CNTN5: variants seen among roughly 807,000 people sequenced by gnomAD.
The protein encoded by CNTN5 is contactin 5, also known as contactin-5.
Under a neutral mutation model 129.1 loss-of-function variants are expected in CNTN5, and 77 were observed. That is an observed-to-expected ratio of 0.60 (90% confidence interval 0.50 to 0.72). CNTN5 has a LOEUF of 0.72. CNTN5 is among the 30% of genes least tolerant of loss of function. The pLI is 0.00. For missense variants in CNTN5, 1,478 were observed against 1,328.8 expected (o/e 1.11, Z -1.75); for synonymous variants, 509 against 465.6 (o/e 1.09, Z -1.20).
chr11:99,038,139 G>T (rs939387926), intron 1 of CNTN5, among the ~76,000 whole-genome samples: 3 of 152,072 alleles, frequency 2.0e-5, no homozygotes, highest in Non-Finnish European at 4.4e-5. Flanking sequence ...TGAGCTCTCA[G>T]TTAAGTTGTT....
intron 4 of CNTN5, among the ~76,000 whole-genome samples, chr11:99,834,124 A>T (rs1248596529): frequency 1.3e-5 from 2 of 152,118 alleles, no homozygotes; most frequent in Non-Finnish European, 2.9e-5. Context: ...ACACTGTATG[A>T]ATTGCAAGAT....
rs201089070 is a variant in CNTN5 at position 100,341,181 on chromosome 11, C to T, written c.3006C>T (p.Asn1002=). The change falls in exon 23 of 25, where the codon AAC becomes AAT. Residue 1002 remains asparagine (N), a synonymous_variant. Transcript: ENST00000524871. The part of the protein sequence containing the change: ...LGWEPVIPLA[N]ESEVVGYKVF... ...GGGAACCCGTCATACCATTAGCCAA[C>T]GAATCTGAAGTTGTGGGTTACAAGG... is the stretch of plus-strand genomic sequence containing the variant. The T allele has an allele frequency of 1.5e-4, 238 of 1,613,634 alleles. No individual in the cohort carries two copies. In the Middle Eastern group the frequency reaches 1.5e-3, roughly 10 times the overall value.
intron 1 of CNTN5, among the ~76,000 whole-genome samples, chr11:99,284,967 C>T (rs1271082965): frequency 2.0e-5 from 3 of 151,970 alleles, no homozygotes; most frequent in Non-Finnish European, 4.4e-5. Context: ...ATATATCGGA[C>T]ACTTTTTGCT....
intron 2 of CNTN5, among the ~76,000 whole-genome samples, chr11:99,486,355 A>C (rs1263958599): frequency 1.3e-5 from 2 of 152,108 alleles, no homozygotes; most frequent in African/African-American, 4.8e-5. Context: ...AGCTTTGAAA[A>C]GCTCATACTG....
intron 3 of CNTN5, among the ~76,000 whole-genome samples, chr11:99,752,549 T>C (rs1357409190): frequency 1.3e-5 from 2 of 152,170 alleles, no homozygotes; most frequent in Non-Finnish European, 2.9e-5. Context: ...ATGAAGTAAA[T>C]GTTATAATTT....
intron 4 of CNTN5, among the ~76,000 whole-genome samples, chr11:99,842,259 C>A (rs970906407): frequency 2.6e-5 from 4 of 152,080 alleles, no homozygotes; most frequent in African/African-American, 7.2e-5. Flanking sequence ...GATAAAAGGA[C>A]TGATTATTGC....
Position 99,613,440 on chromosome 11 carries a change from C to T in CNTN5, c.55+57171C>T, listed in dbSNP as rs545442307. Among the ~76,000 whole-genome samples the T allele has an allele frequency of 1.1e-4, 16 of 152,246 alleles. No individual in the cohort carries two copies. In the South Asian group the frequency reaches 2.9e-3, roughly 28 times the overall value. On this transcript the variant is annotated intron_variant, in intron 3 of 24. Transcript: ENST00000524871. ...TCCCCAGCCGTGCTGAACTGTGAGT[C>T]AAGTAAACCTCTTTCCTTTATAAAT...
At chr11:100,042,944 A>G (rs1942461835) in intron 9 of CNTN5, among the ~76,000 whole-genome samples, 1 of 152,210 alleles carries the variant, frequency 6.6e-6, no homozygotes, top group Non-Finnish European at 1.5e-5. Context: ...GAACTAAAAT[A>G]GGAGAAAAAC....
At chr11:100,115,115 T>TAAAAAAAAAAAAAAAA (rs11388029) in intron 13 of CNTN5, among the ~76,000 whole-genome samples, 13 of 78,356 alleles carry the variant, frequency 1.7e-4, no homozygotes, top group African/African-American at 4.6e-4. Flanking sequence ...AGGTATACAG[T>TAAAAAAAAAAAAAAAA]AAAAAAAAAA....
chr11:99,943,453 A>T lies in CNTN5; in HGVS notation c.674-13353A>T, dbSNP rs554417261. On this transcript the variant is annotated intron_variant, in intron 7 of 24. Coordinates refer to ENST00000524871, the MANE Select transcript of CNTN5 (RefSeq NM_014361.4). Reference sequence around the variant, plus strand: ...TATTAGACCTTTGCAAGATGGATAGATTGCAAAAATTTTCTCCCGTTCTAT... The same window carrying T: ...TATTAGACCTTTGCAAGATGGATAGTTTGCAAAAATTTTCTCCCGTTCTAT... 3.3e-4 allele frequency among the ~76,000 whole-genome samples: 50 copies of T among 152,154 alleles called. 1 individual carries two copies. The highest frequency in any genetic ancestry group is 1.2e-3 in the African/African-American group (48 of 41,522).
chr11:99,729,485 T>C (rs1437090541), intron 3 of CNTN5, among the ~76,000 whole-genome samples: 2 of 152,208 alleles, frequency 1.3e-5, no homozygotes, highest in Non-Finnish European at 2.9e-5. Flanking sequence ...GTGTCTGTTG[T>C]TCCCTTCTTT....
intron 16 of CNTN5, among the ~76,000 whole-genome samples, chr11:100,254,487 G>A (rs1207037296): frequency 1.3e-5 from 2 of 152,204 alleles, no homozygotes; most frequent in Admixed American, 6.5e-5. Flanking sequence ...CTTTGCCCAC[G>A]ATTCCAACTT....
At chr11:99,142,878 C>T (rs936762936) in intron 1 of CNTN5, among the ~76,000 whole-genome samples, 1 of 152,060 alleles carries the variant, frequency 6.6e-6, no homozygotes, top group Non-Finnish European at 1.5e-5. Context: ...GAGACTGAGC[C>T]ATTCATGTCT....
At chr11:99,654,648 T>A (rs1371955192) in intron 3 of CNTN5, among the ~76,000 whole-genome samples, 11 of 152,230 alleles carry the variant, frequency 7.2e-5, no homozygotes, top group Non-Finnish European at 4.4e-5. Context: ...TTGCTTATTA[T>A]GTAAGCAATT....
chr11:99,718,948 TAGAA>T (rs1346060605), intron 3 of CNTN5, among the ~76,000 whole-genome samples: 1 of 152,078 alleles, frequency 6.6e-6, no homozygotes, highest in South Asian at 2.1e-4. Flanking sequence ...TCACCGGTAA[TAGAA>T]AGGGCTTTTA....
At chr11:99,090,607 A>AAATGTT (rs1351777533) in intron 1 of CNTN5, among the ~76,000 whole-genome samples, 3 of 151,726 alleles carry the variant, frequency 2.0e-5, no homozygotes, top group African/African-American at 7.3e-5. Flanking sequence ...TGTATTAAGG[A>AAATGTT]TCTTAGTTAT....
intron 2 of CNTN5, among the ~76,000 whole-genome samples, chr11:99,337,265 C>G (rs965869031): frequency 6.6e-6 from 1 of 152,030 alleles, no homozygotes; most frequent in Non-Finnish European, 1.5e-5. Context: ...GTCGGGGAGA[C>G]CCTAACCCAG....
At chr11:99,404,477 C>T (rs1425775135) in intron 2 of CNTN5, among the ~76,000 whole-genome samples, 1 of 143,022 alleles carries the variant, frequency 7.0e-6, no homozygotes, top group Admixed American at 7.2e-5. Flanking sequence ...TTCTTTGGTG[C>T]TATGACTTAG....
At chr11:99,909,516 T>C (rs926749484) in intron 6 of CNTN5, among the ~76,000 whole-genome samples, 5 of 152,198 alleles carry the variant, frequency 3.3e-5, no homozygotes, top group African/African-American at 1.2e-4. Context: ...ACACACGTTA[T>C]GTTTATTGAG....
Sources: gnomAD v4.1 joint callset for allele counts (sites outside exome capture counted in the v4.1 genomes callset) on GRCh38, gnomAD v4.1.1 for gene constraint, MANE v1.5 for transcripts, NCBI Gene and HGNC (gene_info 2026-07-23, HGNC 2026-07-21) for gene names.